Variants in DAPK1 observed in about 807,000 individuals in gnomAD.
The protein encoded by DAPK1 is death associated protein kinase 1, also known as death-associated protein kinase 1.
Under a neutral mutation model 144.9 loss-of-function variants are expected in DAPK1, and 56 were observed. The ratio of observed to expected loss-of-function variants is 0.39; its 90% CI spans 0.31 to 0.48. DAPK1 has a LOEUF of 0.48. DAPK1 is among the 20% of genes least tolerant of loss of function. The pLI, the probability that DAPK1 is intolerant of heterozygous loss-of-function variation, is 0.95. For missense variants in DAPK1, 1,454 were observed against 1,875.4 expected (o/e 0.78, Z 4.15); for synonymous variants, 690 against 749.0 (o/e 0.92, Z 1.29).
chr9:87,567,351 C>G (rs1304592830), intron 2 of DAPK1, among the ~76,000 whole-genome samples: 1 of 152,012 alleles, frequency 6.6e-6, no homozygotes, highest in African/African-American at 2.4e-5. Flanking sequence ...TCCTACTTAA[C>G]TGATAATATA....
chr9:87,693,498 C>A (rs1351492600), intron 21 of DAPK1, among the ~76,000 whole-genome samples: 2 of 151,932 alleles, frequency 1.3e-5, no homozygotes, highest in Non-Finnish European at 2.9e-5. Context: ...TTTCTGGATT[C>A]TCTTGTACCT....
rs1209482037 is a variant in DAPK1 at position 87,708,607 on chromosome 9, TATAA to T, written c.*1249_*1252del. On this transcript the variant is annotated 3_prime_UTR_variant, in exon 26 of 26. Transcript: ENST00000408954. ...AAAGTTGTTTGTTTTTTTCTTTTTT[TATAA>T]ATAAACTGTTGCTCGTTGCATTAGT... 2.0e-5 allele frequency: 3 copies of T among 152,626 alleles called. No homozygotes were observed. The highest frequency in any genetic ancestry group is 2.9e-5 in the Non-Finnish European group (2 of 68,038). The allele number at this position is 152,626 out of a possible 1,614,324, so 9.5% of individuals were successfully genotyped here. A position where few individuals can be genotyped will look rare whatever the true frequency, so the allele number is the denominator to read the frequency against.
Position 87,529,887 on chromosome 9 carries a change from G to A in DAPK1, c.62+30748G>A, listed in dbSNP as rs1203620906. Reference sequence around the variant, plus strand: ...TAAATTTCCTCCTACTCACCTCTGGGCCTTTAAATTTGGGATTCATAAGAA... The same window carrying A: ...TAAATTTCCTCCTACTCACCTCTGGACCTTTAAATTTGGGATTCATAAGAA... On this transcript the variant is annotated intron_variant, in intron 2 of 25. Transcript: ENST00000408954. Among the ~76,000 whole-genome samples, 4 of 152,158 alleles carry A rather than the reference G, an allele frequency of 2.6e-5. No individual in the cohort carries two copies. The East Asian group carries it at 7.7e-4, about 29-fold the overall frequency.
intron 2 of DAPK1, among the ~76,000 whole-genome samples, chr9:87,549,973 G>A (rs373596217): frequency 1.1e-4 from 17 of 152,174 alleles, no homozygotes; most frequent in African/African-American, 4.1e-4. Flanking sequence ...TTAAGGCTTC[G>A]TCATGCGTGT....
chr9:87,507,765 T>C (rs1824663234), intron 2 of DAPK1, among the ~76,000 whole-genome samples: 1 of 152,192 alleles, frequency 6.6e-6, no homozygotes, highest in African/African-American at 2.4e-5. Flanking sequence ...ATGGCACTTA[T>C]ATTCATAAGC....
At chr9:87,503,966 A>C (rs1824499982) in intron 2 of DAPK1, among the ~76,000 whole-genome samples, 1 of 152,200 alleles carries the variant, frequency 6.6e-6, no homozygotes, top group Admixed American at 6.5e-5. Flanking sequence ...TGAAGTAAGA[A>C]ATTGTCATAA....
intron 21 of DAPK1, among the ~76,000 whole-genome samples, chr9:87,695,716 T>G (rs1469611077): frequency 6.6e-6 from 1 of 152,252 alleles, no homozygotes; most frequent in Non-Finnish European, 1.5e-5. Flanking sequence ...TTGCTTCTTC[T>G]GAGCAGCCTG....
intron 2 of DAPK1, among the ~76,000 whole-genome samples, chr9:87,534,043 C>G (rs1825784530): frequency 6.6e-6 from 1 of 151,938 alleles, no homozygotes; most frequent in Non-Finnish European, 1.5e-5. Flanking sequence ...TAATGCTTTG[C>G]AATTTTAAAA....
At chr9:87,520,053 G>A (rs1008565476) in intron 2 of DAPK1, among the ~76,000 whole-genome samples, 8 of 152,024 alleles carry the variant, frequency 5.3e-5, no homozygotes, top group African/African-American at 1.9e-4. Context: ...GCTTCCAAAA[G>A]GAAGAAGGAA....
rs777271979 is a variant in DAPK1 at position 87,603,213 on chromosome 9, T to A, written c.63-1741T>A. ...AGGAAGCAGCTGACTGTGTTTTGAA[T>A]TCAAGCTCTTTTCCCTCTTCTCTCC... On this transcript the variant is annotated intron_variant, in intron 2 of 25. Coordinates refer to ENST00000408954, the MANE Select transcript of DAPK1 (RefSeq NM_004938.4). 4.9e-4 allele frequency among the ~76,000 whole-genome samples: 75 copies of A among 152,152 alleles called. 1 individual carries two copies. Among genetic ancestry groups the A allele is most frequent in the Non-Finnish European group, 1.0e-4 (7 of 68,038 alleles).
Position 87,663,696 on chromosome 9 carries a change from C to T in DAPK1, c.1924-4901C>T, listed in dbSNP as rs547945596. Among the ~76,000 whole-genome samples, 13 of 152,140 alleles carry T rather than the reference C, an allele frequency of 8.5e-5. No individual in the cohort carries two copies. In the South Asian group the frequency reaches 2.5e-3, roughly 29 times the overall value. On this transcript the variant is annotated intron_variant, in intron 18 of 25. Coordinates refer to ENST00000408954, the MANE Select transcript of DAPK1 (RefSeq NM_004938.4). ...CTTGCAGCTGTCCAACACTGAGGCC[C>T]ATGCTCAGGTCTCTGGTCCCTGCTT... is the stretch of plus-strand genomic sequence containing the variant.
chr9:87,665,717 C>A (rs1015307167), intron 18 of DAPK1, among the ~76,000 whole-genome samples: 4 of 152,162 alleles, frequency 2.6e-5, no homozygotes, highest in African/African-American at 9.7e-5. Context: ...AGTGAAGTGG[C>A]CTTTCACCTT....
intron 2 of DAPK1, among the ~76,000 whole-genome samples, chr9:87,542,070 A>T (rs1204771943): frequency 6.6e-6 from 1 of 152,208 alleles, no homozygotes; most frequent in African/African-American, 2.4e-5. Context: ...AAAGTCAGGG[A>T]CTTATTTAGA....
chr9:87,557,201 C>T (rs1381785156), intron 2 of DAPK1, among the ~76,000 whole-genome samples: 1 of 152,172 alleles, frequency 6.6e-6, no homozygotes, highest in East Asian at 1.9e-4. Flanking sequence ...TTGTTCAAAG[C>T]AAGTGTTACC....
At chr9:87,659,139 G>T (rs145492806) in intron 18 of DAPK1, among the ~76,000 whole-genome samples, 1 of 152,230 alleles carries the variant, frequency 6.6e-6, no homozygotes, top group Non-Finnish European at 1.5e-5. Flanking sequence ...TTTGCTGACC[G>T]CTGGGGCTAG....
chr9:87,673,981 G>A (rs1180763979), intron 19 of DAPK1, among the ~76,000 whole-genome samples: 2 of 152,192 alleles, frequency 1.3e-5, no homozygotes, highest in Non-Finnish European at 2.9e-5. Context: ...CCTGAGGACT[G>A]TGTTGTTGCT....
intron 18 of DAPK1, among the ~76,000 whole-genome samples, chr9:87,664,066 G>C (rs920241855): frequency 6.6e-6 from 1 of 151,856 alleles, no homozygotes; most frequent in South Asian, 2.1e-4. Flanking sequence ...CCTGCCCCTT[G>C]GGACCAGTCC....
intron 21 of DAPK1, among the ~76,000 whole-genome samples, chr9:87,690,241 GAGTAT>G (rs1319595609): frequency 2.3e-4 from 35 of 151,996 alleles, no homozygotes; most frequent in African/African-American, 6.0e-4. Context: ...ATTTATTCCT[GAGTAT>G]TTTATTTTTA....
chr9:87,632,904 GTA>G (rs139806970), intron 3 of DAPK1: 6,206 of 769,890 alleles, frequency 8.1e-3, no homozygotes, highest in Middle Eastern at 9.9e-3. Context: ...AGGAGGATGA[GTA>G]TATATATATA....
Sources: gnomAD v4.1 joint callset for allele counts (sites outside exome capture counted in the v4.1 genomes callset) on GRCh38, gnomAD v4.1.1 for gene constraint, MANE v1.5 for transcripts, NCBI Gene and HGNC (gene_info 2026-07-23, HGNC 2026-07-21) for gene names.